Variants in SOX5 observed in about 807,000 individuals in gnomAD.
SOX5 encodes SRY-box transcription factor 5, also known as transcription factor SOX-5.
Under a neutral mutation model 92.0 loss-of-function variants are expected in SOX5, and 9 were observed. The ratio of observed to expected loss-of-function variants is 0.10; its 90% CI spans 0.06 to 0.17. SOX5 has a LOEUF of 0.17. SOX5 is among the 10% of genes least tolerant of loss of function. The pLI is 1.00. For missense variants in SOX5, 642 were observed against 944.5 expected (o/e 0.68, Z 4.20); for synonymous variants, 344 against 336.3 (o/e 1.02, Z -0.25).
chr12:23,977,997 A>C (rs1330891718), intron 4 of SOX5, among the ~76,000 whole-genome samples: 4 of 152,252 alleles, frequency 2.6e-5, no homozygotes, highest in Non-Finnish European at 5.9e-5. Context: ...CCTGTTCACA[A>C]GTTTGGGACA....
intron 2 of SOX5, among the ~76,000 whole-genome samples, chr12:24,298,627 A>G (rs1290496248): frequency 1.3e-5 from 2 of 152,102 alleles, no homozygotes; most frequent in South Asian, 2.1e-4. Flanking sequence ...AACAGTTTCT[A>G]TGTGTCACCT....
chr12:23,577,259 A>G (rs1397814673), intron 9 of SOX5, among the ~76,000 whole-genome samples: 6 of 139,128 alleles, frequency 4.3e-5, no homozygotes, highest in African/African-American at 1.1e-4. Context: ...CAGTGGTGCA[A>G]TCTCGGCTCA....
chr12:23,899,412 A>T (rs1467631221), intron 1 of SOX5, among the ~76,000 whole-genome samples: 1 of 151,912 alleles, frequency 6.6e-6, no homozygotes. Flanking sequence ...AAAAAAAGAA[A>T]AAAAAAAAAA....
At chr12:24,434,641 G>A (rs989902226) in intron 1 of SOX5, among the ~76,000 whole-genome samples, 4 of 152,102 alleles carry the variant, frequency 2.6e-5, no homozygotes, top group African/African-American at 9.7e-5. Context: ...TTCACCCTTG[G>A]TGTTGTCATC....
chr12:23,556,372 C>CAAAT (rs374145843), intron 11 of SOX5, among the ~76,000 whole-genome samples: 3 of 151,946 alleles, frequency 2.0e-5, no homozygotes, highest in South Asian at 2.1e-4. Flanking sequence ...TTAAAGTCAC[C>CAAAT]AAATAAATAA....
chr12:23,756,886 T>C (rs1445597565), intron 3 of SOX5, among the ~76,000 whole-genome samples: 2 of 151,844 alleles, frequency 1.3e-5, no homozygotes, highest in Non-Finnish European at 2.9e-5. Flanking sequence ...TAAGATGCAT[T>C]TTAGAGAGTT....
At chr12:24,492,058 C>A (rs1947145095) in intron 1 of SOX5, among the ~76,000 whole-genome samples, 1 of 152,122 alleles carries the variant, frequency 6.6e-6, no homozygotes, top group Non-Finnish European at 1.5e-5. Context: ...TCTCACCCAC[C>A]TTTTGGTCCT....
rs1397941264 is a variant in SOX5, at chr12:23,734,261, C to T, written c.810+423G>A. Among the ~76,000 whole-genome samples the T allele has an allele frequency of 1.3e-5, 2 of 152,162 alleles. 1 individual carries two copies. Among genetic ancestry groups the T allele is most frequent in the Non-Finnish European group, 2.9e-5 (2 of 68,030 alleles). On this transcript the variant is annotated intron_variant, in intron 6 of 14. Transcript: ENST00000451604. ...ACCAAATTATTACCATCCCTATGTTCCATCTTTATCACACATGGCTCTCGG... is the reference window on the plus strand; with the variant it reads ...ACCAAATTATTACCATCCCTATGTTTCATCTTTATCACACATGGCTCTCGG...
chr12:23,644,511 A>C (rs1443973410), intron 7 of SOX5, among the ~76,000 whole-genome samples: 2 of 152,202 alleles, frequency 1.3e-5, no homozygotes, highest in Non-Finnish European at 2.9e-5. Context: ...TGTGTATTAG[A>C]GTTTGAGAAG....
chr12:24,401,749 T>A (rs938011606), intron 1 of SOX5, among the ~76,000 whole-genome samples: 1 of 150,780 alleles, frequency 6.6e-6, no homozygotes. Context: ...TGCAAAATAT[T>A]TTTTTCACTT....
At chr12:24,525,524 C>G (rs1477573926) in intron 1 of SOX5, among the ~76,000 whole-genome samples, 1 of 152,086 alleles carries the variant, frequency 6.6e-6, no homozygotes, top group East Asian at 1.9e-4. Context: ...GGGTAGATAT[C>G]ATGTTAAATG....
chr12:24,351,466 G>T (rs185686603), intron 2 of SOX5, among the ~76,000 whole-genome samples: 1 of 152,194 alleles, frequency 6.6e-6, no homozygotes, highest in African/African-American at 2.4e-5. Flanking sequence ...AAGGAGTTCT[G>T]AAATCTTTCT....
At chr12:24,136,633 A>G (rs1950134284) in intron 4 of SOX5, among the ~76,000 whole-genome samples, 1 of 152,160 alleles carries the variant, frequency 6.6e-6, no homozygotes, top group Non-Finnish European at 1.5e-5. Flanking sequence ...GTGAGGGGGA[A>G]GGTGGGGAGG....
chr12:24,533,639 C>T (rs1438808475), intron 1 of SOX5, among the ~76,000 whole-genome samples: 2 of 151,884 alleles, frequency 1.3e-5, no homozygotes, highest in East Asian at 3.9e-4. Context: ...AATATGAAAG[C>T]TTTTTTAAAA....
At chr12:24,046,778 C>T (rs548911962) in intron 4 of SOX5, among the ~76,000 whole-genome samples, 1 of 148,676 alleles carries the variant, frequency 6.7e-6, no homozygotes, top group South Asian at 2.2e-4. Flanking sequence ...CTCCTGAGTT[C>T]AAGCCATTCT....
chr12:23,624,063 T>C (rs922927624), intron 8 of SOX5, among the ~76,000 whole-genome samples: 1 of 152,096 alleles, frequency 6.6e-6, no homozygotes, highest in Admixed American at 6.6e-5. Context: ...GAAGACATTA[T>C]GTTAAATGAA....
At chr12:23,700,272 G>A (rs149922237) in intron 6 of SOX5, among the ~76,000 whole-genome samples, 1 of 151,778 alleles carries the variant, frequency 6.6e-6, no homozygotes, top group East Asian at 1.9e-4. Context: ...ACCATCTTTT[G>A]GATTATCCAA....
chr12:23,577,147 A>G lies in SOX5; in HGVS notation c.1165-1309T>C, dbSNP rs191308880. On this transcript the variant is annotated intron_variant, in intron 9 of 14. Transcript: ENST00000451604. Reference sequence around the variant, plus strand: ...ACATCGATATCAAGTTTATATATATATATACACACACACACACACACACAC... The same window carrying G: ...ACATCGATATCAAGTTTATATATATGTATACACACACACACACACACACAC... Among the ~76,000 whole-genome samples, 100 of 112,548 alleles carry G rather than the reference A, an allele frequency of 8.9e-4. 1 individual carries two copies. The East Asian group carries it at 0.023, about 26-fold the overall frequency. 73.8% of individuals were successfully genotyped at this position (112,548 alleles called of 152,430 possible).
At chr12:23,988,313 A>T (rs1467054969) in intron 4 of SOX5, among the ~76,000 whole-genome samples, 1 of 152,186 alleles carries the variant, frequency 6.6e-6, no homozygotes, top group Non-Finnish European at 1.5e-5. Flanking sequence ...AGTAGAGAAG[A>T]GAGCCTGAAA....
Sources: gnomAD v4.1 joint callset for allele counts (sites outside exome capture counted in the v4.1 genomes callset) on GRCh38, gnomAD v4.1.1 for gene constraint, MANE v1.5 for transcripts, NCBI Gene and HGNC (gene_info 2026-07-23, HGNC 2026-07-21) for gene names.